The following FAF1 variants were observed in gnomAD, a reference collection of about 807,000 sequenced individuals.
The protein encoded by FAF1 is Fas associated factor 1.
Under a neutral mutation model 92.5 loss-of-function variants are expected in FAF1, and 25 were observed. That is an observed-to-expected ratio of 0.27 (90% CI 0.20 to 0.38). The LOEUF (loss-of-function observed/expected upper bound fraction) is 0.38. Among genes scored for constraint, FAF1 ranks in the 10% least tolerant of loss-of-function variants. The pLI, the probability that FAF1 is intolerant of heterozygous loss-of-function variation, is 1.00. For synonymous variants in FAF1, 234 were observed against 273.2 expected, an observed-to-expected ratio of 0.86 and a Z score of 1.42; for missense variants, 636 against 793.3, an observed-to-expected ratio of 0.80 and a Z score of 2.38.
chr1:50,766,289 T>C (rs1268492120), intron 4 of FAF1, among the ~76,000 whole-genome samples: 3 of 152,224 alleles, frequency 2.0e-5, no homozygotes, highest in African/African-American at 7.2e-5. Flanking sequence ...ACTGCCTCCA[T>C]TCATTTCTTT....
intron 8 of FAF1, among the ~76,000 whole-genome samples, chr1:50,606,231 T>G (rs1016274447): frequency 6.6e-6 from 1 of 152,224 alleles, no homozygotes; most frequent in African/African-American, 2.4e-5. Context: ...AAGTATTTTA[T>G]ATCAACTTAT....
intron 7 of FAF1, among the ~76,000 whole-genome samples, chr1:50,666,851 C>T (rs982724872): frequency 6.6e-6 from 1 of 152,184 alleles, no homozygotes; most frequent in African/African-American, 2.4e-5. Flanking sequence ...CCACACTGCA[C>T]TACAGTCTGG....
chr1:50,737,173 A>G (rs1008869549), intron 6 of FAF1, among the ~76,000 whole-genome samples: 15 of 152,252 alleles, frequency 9.9e-5, no homozygotes, highest in Admixed American at 8.5e-4. Flanking sequence ...ATAGAGAAGT[A>G]TATTTTAATG....
chr1:50,919,551 G>A (rs376390257), intron 1 of FAF1, among the ~76,000 whole-genome samples: 90 of 151,038 alleles, frequency 6.0e-4, no homozygotes, highest in South Asian at 4.6e-3. Flanking sequence ...GCAGTGGCAC[G>A]GTCTCGGCTC....
chr1:50,857,959 T>C lies in FAF1; in HGVS notation c.84A>G (p.Thr28=), dbSNP rs1230278296. The change falls in exon 2 of 19, where the codon ACA becomes ACG. Residue 28 remains threonine, a synonymous_variant. Coordinates refer to ENST00000396153, the MANE Select transcript of FAF1 (RefSeq NM_007051.3). Reference sequence around the variant, plus strand: ...AGTCCCAATTATTTTGTTCAAGCAATGTAATAGCTTCGTCAATGTTTTCAA... The same window carrying C: ...AGTCCCAATTATTTTGTTCAAGCAACGTAATAGCTTCGTCAATGTTTTCAA... ...TGIENIDEAI[T]LLEQNNWDLV... is the part of the protein sequence containing the mutation. 1.2e-6 allele frequency: 2 copies of C among 1,602,208 alleles called. No individual in the cohort carries two copies. Among genetic ancestry groups the C allele is most frequent in the East Asian group, 2.3e-5 (1 of 44,320 alleles).
intron 8 of FAF1, among the ~76,000 whole-genome samples, chr1:50,618,866 A>G (rs949052748): frequency 6.6e-6 from 1 of 151,422 alleles, no homozygotes; most frequent in Non-Finnish European, 1.5e-5. Context: ...CTTCTGCCTC[A>G]GCCTCCTGGG....
intron 12 of FAF1, among the ~76,000 whole-genome samples, chr1:50,571,124 A>G (rs1402070562): frequency 6.6e-6 from 1 of 152,258 alleles, no homozygotes; most frequent in Non-Finnish European, 1.5e-5. Context: ...GTTGTGGGAA[A>G]GAATGTGCGG....
intron 2 of FAF1, among the ~76,000 whole-genome samples, chr1:50,820,848 T>TA (rs2124619577): frequency 8.2e-6 from 1 of 122,382 alleles, no homozygotes; most frequent in South Asian, 2.4e-4. Flanking sequence ...TGAATAATAA[T>TA]GTGTGTGTGT....
At chr1:50,866,607 A>G (rs1378855458) in intron 1 of FAF1, among the ~76,000 whole-genome samples, 1 of 152,122 alleles carries the variant, frequency 6.6e-6, no homozygotes, top group African/African-American at 2.4e-5. Context: ...CAAAACAAAA[A>G]ACAAAAAACC....
intron 8 of FAF1, among the ~76,000 whole-genome samples, chr1:50,631,316 A>G (rs1422909715): frequency 6.6e-6 from 1 of 152,214 alleles, no homozygotes; most frequent in African/African-American, 2.4e-5. Context: ...ACTAAGTAGC[A>G]TGAGGAAATC....
At chr1:50,918,828 A>G (rs1644940779) in intron 1 of FAF1, among the ~76,000 whole-genome samples, 1 of 140,322 alleles carries the variant, frequency 7.1e-6, no homozygotes, top group Non-Finnish European at 1.5e-5. Flanking sequence ...AAGTGTTCCT[A>G]TTTCTCCACA....
At chr1:50,510,195 A>G (rs1169434962) in intron 15 of FAF1, among the ~76,000 whole-genome samples, 1 of 151,972 alleles carries the variant, frequency 6.6e-6, no homozygotes, top group African/African-American at 2.4e-5. Flanking sequence ...TTTAAATTTA[A>G]AACTCCAGTA....
intron 7 of FAF1, among the ~76,000 whole-genome samples, chr1:50,674,049 C>G (rs1656011923): frequency 6.6e-6 from 1 of 151,980 alleles, no homozygotes; most frequent in Non-Finnish European, 1.5e-5. Flanking sequence ...CAGCCAGGTG[C>G]AAGTGATTCT....
chr1:50,766,734 A>C, intron 4 of FAF1, among the ~76,000 whole-genome samples: 1 of 150,540 alleles, frequency 6.6e-6, no homozygotes, highest in East Asian at 2.0e-4. Flanking sequence ...ACCTTATACC[A>C]CAATCAAACC....
At chr1:50,756,975 G>A (rs1660100803) in intron 4 of FAF1, among the ~76,000 whole-genome samples, 1 of 152,138 alleles carries the variant, frequency 6.6e-6, no homozygotes, top group Non-Finnish European at 1.5e-5. Context: ...TCACAATTCA[G>A]TTCAAAATAT....
intron 18 of FAF1, among the ~76,000 whole-genome samples, chr1:50,449,328 C>T (rs1022684639): frequency 2.6e-5 from 4 of 152,088 alleles, no homozygotes; most frequent in African/African-American, 4.8e-5. Flanking sequence ...CAAACTTGAA[C>T]GCAGGTCCTC....
At chr1:50,931,997 T>C (rs1645052426) in intron 1 of FAF1, among the ~76,000 whole-genome samples, 1 of 137,514 alleles carries the variant, frequency 7.3e-6, no homozygotes, top group Admixed American at 7.3e-5. Context: ...ATGTGGCAAT[T>C]CTGGGAATAA....
At chr1:50,503,596 CAG>C (rs894520705) in intron 15 of FAF1, among the ~76,000 whole-genome samples, 9 of 143,450 alleles carry the variant, frequency 6.3e-5, no homozygotes, top group Admixed American at 1.4e-4. Context: ...GCCTGGGCAA[CAG>C]AGTGATTCCC....
chr1:50,546,734 T>C (rs923977965), intron 13 of FAF1, among the ~76,000 whole-genome samples: 1 of 152,190 alleles, frequency 6.6e-6, no homozygotes, highest in African/African-American at 2.4e-5. Flanking sequence ...GAGGGTCACA[T>C]AGATATGGGT....
Sources: gnomAD v4.1 joint callset for allele counts (sites outside exome capture counted in the v4.1 genomes callset) on GRCh38, gnomAD v4.1.1 for gene constraint, MANE v1.5 for transcripts, NCBI Gene and HGNC (gene_info 2026-07-23, HGNC 2026-07-21) for gene names.